The following AFG2A variants were observed in gnomAD, a reference collection of about 807,000 sequenced individuals.
AFG2A encodes AAA ATPase AFG2A.
At chr4:123,177,448 G>T in the AFG2A span, among the ~76,000 whole-genome samples, 1 of 152,010 alleles carries the variant, frequency 6.6e-6, no homozygotes, top group Non-Finnish European at 1.5e-5. Context: ...AAAGTGCTCT[G>T]ATTTGGGAGA....
chr4:123,049,392 T>C, the AFG2A span, among the ~76,000 whole-genome samples: 1 of 152,192 alleles, frequency 6.6e-6, no homozygotes, highest in African/African-American at 2.4e-5. Flanking sequence ...GTATTCTCCC[T>C]TCATTTTTTT....
the AFG2A span, among the ~76,000 whole-genome samples, chr4:123,142,060 A>C: frequency 6.6e-6 from 1 of 152,186 alleles, no homozygotes; most frequent in Non-Finnish European, 1.5e-5. Flanking sequence ...TTATATAGAC[A>C]CAACTGGGAC....
the AFG2A span, chr4:122,929,013 A>G: frequency 2.5e-6 from 4 of 1,606,682 alleles, no homozygotes; most frequent in Non-Finnish European, 3.4e-6. Flanking sequence ...TTTATTTTCT[A>G]ACATTTTTAT....
At chr4:123,175,706 A>C in the AFG2A span, among the ~76,000 whole-genome samples, 51 of 152,316 alleles carry the variant, frequency 3.3e-4, 2 homozygotes, top group Admixed American at 2.9e-3. Flanking sequence ...TTACTGTGGA[A>C]GTGTTTCTGG....
the AFG2A span, chr4:123,314,712 T>G: frequency 6.6e-6 from 1 of 151,922 alleles, no homozygotes; most frequent in African/African-American, 2.4e-5. Flanking sequence ...AAGCCCACTC[T>G]AAGCCTAGAT....
At chr4:123,287,944 A>C in the AFG2A span, among the ~76,000 whole-genome samples, 2 of 152,156 alleles carry the variant, frequency 1.3e-5, no homozygotes, top group East Asian at 3.9e-4. Flanking sequence ...AGAAGTCCAC[A>C]TGCTCCGAAC....
the AFG2A span, among the ~76,000 whole-genome samples, chr4:122,980,935 A>T: frequency 6.6e-6 from 1 of 151,708 alleles, no homozygotes; most frequent in African/African-American, 2.4e-5. Flanking sequence ...GTTCACACAT[A>T]TTTTCTCCCA....
chr4:123,298,609 AGT>A, the AFG2A span, among the ~76,000 whole-genome samples: 1 of 152,310 alleles, frequency 6.6e-6, no homozygotes, highest in East Asian at 1.9e-4. Flanking sequence ...ATTCACAGAT[AGT>A]GTGAAAACCA....
At chr4:123,179,720 C>T in the AFG2A span, among the ~76,000 whole-genome samples, 5 of 152,148 alleles carry the variant, frequency 3.3e-5, no homozygotes, top group African/African-American at 9.7e-5. Context: ...AGCGATAGAA[C>T]TTGATGTGGT....
chr4:122,973,239 A>T, the AFG2A span, among the ~76,000 whole-genome samples: 1 of 151,992 alleles, frequency 6.6e-6, no homozygotes, highest in African/African-American at 2.4e-5. Flanking sequence ...TTCTGTGTAT[A>T]TTTGCATAGT....
At chr4:123,113,305 A>G in the AFG2A span, among the ~76,000 whole-genome samples, 5 of 152,328 alleles carry the variant, frequency 3.3e-5, no homozygotes, top group East Asian at 9.7e-4. Context: ...AGACAAATCC[A>G]TGGAGACAGG....
At chr4:123,211,801 T>C in the AFG2A span, among the ~76,000 whole-genome samples, 2 of 152,124 alleles carry the variant, frequency 1.3e-5, no homozygotes, top group Non-Finnish European at 2.9e-5. Context: ...AACCTGTGGT[T>C]GTCCAGTTCT....
At chr4:122,959,060 T>G in the AFG2A span, among the ~76,000 whole-genome samples, 1 of 152,182 alleles carries the variant, frequency 6.6e-6, no homozygotes, top group Non-Finnish European at 1.5e-5. Context: ...AAGGTCCAAG[T>G]GGGGCCCCAG....
the AFG2A span, among the ~76,000 whole-genome samples, chr4:123,172,551 C>T: frequency 6.6e-6 from 1 of 152,136 alleles, no homozygotes; most frequent in Non-Finnish European, 1.5e-5. Context: ...CGAAAAAGAG[C>T]ATTAGCTTAG....
At chr4:123,023,693 G>T in the AFG2A span, among the ~76,000 whole-genome samples, 5 of 152,154 alleles carry the variant, frequency 3.3e-5, no homozygotes, top group African/African-American at 9.7e-5. Context: ...CACATTGGAA[G>T]AATTATCGTC....
chr4:122,991,579 T>C, the AFG2A span, among the ~76,000 whole-genome samples: 8 of 152,188 alleles, frequency 5.3e-5, no homozygotes, highest in Non-Finnish European at 7.4e-5. Context: ...TAATTAACTA[T>C]CAAAAGCTAA....
the AFG2A span, among the ~76,000 whole-genome samples, chr4:123,186,604 T>A: frequency 0.034 from 5,224 of 152,252 alleles, 308 homozygotes; most frequent in African/African-American, 0.12. Context: ...ATTTGAAATG[T>A]AGTTGGAATG....
chr4:123,124,119 C>G, the AFG2A span, among the ~76,000 whole-genome samples: 5 of 152,010 alleles, frequency 3.3e-5, no homozygotes, highest in East Asian at 9.7e-4. Context: ...GCCATTTGAC[C>G]CAGCCATTCC....
chr4:122,941,113 C>T, the AFG2A span, among the ~76,000 whole-genome samples: 5,272 of 148,848 alleles, frequency 0.035, 116 homozygotes, highest in African/African-American at 0.054. Context: ...CTTGGTGATG[C>T]GGGCTCTTTT....
Sources: gnomAD v4.1 joint callset for allele counts (sites outside exome capture counted in the v4.1 genomes callset) on GRCh38, gnomAD v4.1.1 for gene constraint, MANE v1.5 for transcripts, NCBI Gene and HGNC (gene_info 2026-07-23, HGNC 2026-07-21) for gene names.